RBFOX1: variants seen among roughly 807,000 people sequenced by gnomAD.
RBFOX1 encodes the protein RNA binding protein fox-1 homolog 1.
In RBFOX1, 8 loss-of-function variants were observed where a neutral mutation model predicts 57.7. The ratio of observed to expected loss-of-function variants is 0.14; its 90% CI spans 0.08 to 0.25. The LOEUF (loss-of-function observed/expected upper bound fraction) is 0.25, where lower values mean the gene tolerates loss of function less well. Among genes scored for constraint, RBFOX1 ranks in the 10% least tolerant of loss-of-function variants. RBFOX1 has a pLI of 1.00. For synonymous variants in RBFOX1, 326 were observed against 222.4 expected (o/e 1.47, Z -4.15); for missense variants, 611 against 548.5 (o/e 1.11, Z -1.14).
At chr16:6,946,930 T>C (rs1419186311) in intron 3 of RBFOX1, among the ~76,000 whole-genome samples, 12 of 152,260 alleles carry the variant, frequency 7.9e-5, no homozygotes, top group Admixed American at 3.9e-4. Flanking sequence ...CAAACGTTGT[T>C]ATTTGGCTTT....
At chr16:6,474,997 C>G (rs1025940686) in intron 2 of RBFOX1, among the ~76,000 whole-genome samples, 1 of 152,148 alleles carries the variant, frequency 6.6e-6, no homozygotes, top group Non-Finnish European at 1.5e-5. Flanking sequence ...ACAAAGTGTT[C>G]ATGATACATT....
chr16:5,633,710 C>A (rs947672874), intron 3 of RBFOX1, among the ~76,000 whole-genome samples: 2 of 152,016 alleles, frequency 1.3e-5, no homozygotes, highest in African/African-American at 4.8e-5. Flanking sequence ...TCCGTCTCTT[C>A]TAAAAATACA....
chr16:5,395,117 T>G (rs1336513998), intron 1 of RBFOX1, among the ~76,000 whole-genome samples: 2 of 152,192 alleles, frequency 1.3e-5, no homozygotes, highest in Admixed American at 6.5e-5. Flanking sequence ...TTCTTTAGGT[T>G]TCAGCCACAG....
intron 13 of RBFOX1, among the ~76,000 whole-genome samples, chr16:7,669,170 C>G (rs2070509573): frequency 6.6e-6 from 1 of 152,184 alleles, no homozygotes; most frequent in African/African-American, 2.4e-5. Flanking sequence ...TCCCAAAGTG[C>G]TGGGATTACA....
intron 2 of RBFOX1, among the ~76,000 whole-genome samples, chr16:6,557,336 A>C (rs1029081040): frequency 1.3e-4 from 20 of 152,016 alleles, no homozygotes; most frequent in Admixed American, 1.0e-3. Flanking sequence ...AGAAGAACTT[A>C]TGAATGCTTT....
At chr16:7,470,513 A>G (rs913208710) in intron 4 of RBFOX1, among the ~76,000 whole-genome samples, 1 of 151,684 alleles carries the variant, frequency 6.6e-6, no homozygotes, top group South Asian at 2.1e-4. Flanking sequence ...GGTTGGATGG[A>G]TGGAGGGATG....
At chr16:7,539,985 T>A (rs961724752) in intron 5 of RBFOX1, among the ~76,000 whole-genome samples, 11 of 152,224 alleles carry the variant, frequency 7.2e-5, no homozygotes, top group Admixed American at 5.2e-4. Flanking sequence ...TTGGGAAAGC[T>A]ATTGAACCTC....
Position 6,175,971 on chromosome 16 carries a change from A to G in RBFOX1, c.-126-141024A>G, listed in dbSNP as rs560447189. 3.3e-5 allele frequency among the ~76,000 whole-genome samples: 5 copies of G among 152,226 alleles called. No individual in the cohort carries two copies. In the East Asian group the frequency reaches 7.7e-4, roughly 24 times the overall value. On this transcript the variant is annotated intron_variant, in intron 1 of 15. Transcript: ENST00000550418. ...TCCACCCCCAGATATGTTAACTTCA[A>G]AGGTTTGGAGATGAGTCCTAGGTAT...
rs150872939 is a variant in RBFOX1, at chr16:5,762,753, A to G, written c.319-104550A>G. Among the ~76,000 whole-genome samples the G allele has an allele frequency of 1.4e-4, 22 of 152,366 alleles. No homozygotes were observed. The East Asian group carries it at 3.9e-3, about 27-fold the overall frequency. On this transcript the variant is annotated intron_variant, in intron 3 of 19. Coordinates refer to the RBFOX1 transcript ENST00000641259. ...ATGGAATCCTTTGCAGCCATTAAAT[A>G]TGATTTGGTAAACACGTTTGGATAA... is the stretch of plus-strand genomic sequence containing the variant.
intron 15 of RBFOX1, chr16:7,710,010 T>C: frequency 9.9e-7 from 1 of 1,009,572 alleles, no homozygotes; most frequent in Non-Finnish European, 1.2e-6. Context: ...AAGTGCCACC[T>C]TGTAGCCATT....
chr16:7,522,318 G>A (rs1271172150), intron 5 of RBFOX1, among the ~76,000 whole-genome samples: 1 of 152,150 alleles, frequency 6.6e-6, no homozygotes, highest in African/African-American at 2.4e-5. Flanking sequence ...TCACGGGGTG[G>A]GGTTTGAAGG....
At chr16:6,682,272 C>G (rs146433254) in intron 3 of RBFOX1, among the ~76,000 whole-genome samples, 82 of 152,278 alleles carry the variant, frequency 5.4e-4, no homozygotes, top group African/African-American at 1.7e-3. Context: ...AGCACACAGC[C>G]CTGCCTCCTC....
At chr16:5,452,955 A>G (rs2068472843) in intron 1 of RBFOX1, among the ~76,000 whole-genome samples, 2 of 152,108 alleles carry the variant, frequency 1.3e-5, no homozygotes, top group East Asian at 1.9e-4. Context: ...TTTACTTGAA[A>G]TGTTTCAGCA....
chr16:7,512,500 CG>C (rs2075355969), intron 4 of RBFOX1, among the ~76,000 whole-genome samples: 1 of 152,152 alleles, frequency 6.6e-6, no homozygotes, highest in Non-Finnish European at 1.5e-5. Flanking sequence ...CTCTCTGGAA[CG>C]GCTGTCAGTG....
intron 3 of RBFOX1, among the ~76,000 whole-genome samples, chr16:6,828,558 C>T (rs78778940): frequency 2.6e-5 from 4 of 151,608 alleles, no homozygotes; most frequent in African/African-American, 9.7e-5. Flanking sequence ...TTTCATATGA[C>T]TAGAGGCTGT....
chr16:6,447,890 G>T (rs1567296301), intron 2 of RBFOX1, among the ~76,000 whole-genome samples: 3 of 152,108 alleles, frequency 2.0e-5, no homozygotes, highest in Admixed American at 6.6e-5. Context: ...GTTAGGACTT[G>T]TTCAAGGGAG....
intron 2 of RBFOX1, among the ~76,000 whole-genome samples, chr16:5,476,496 G>T (rs140371630): frequency 1.2e-4 from 19 of 152,292 alleles, no homozygotes; most frequent in African/African-American, 4.3e-4. Flanking sequence ...CATTCATGTA[G>T]TGGTCAAGTA....
chr16:7,391,685 A>C (rs748872566), intron 4 of RBFOX1, among the ~76,000 whole-genome samples: 1 of 152,198 alleles, frequency 6.6e-6, no homozygotes, highest in African/African-American at 2.4e-5. Flanking sequence ...CCCCCAAAAG[A>C]CTGTAAAGGC....
intron 4 of RBFOX1, among the ~76,000 whole-genome samples, chr16:7,391,992 C>A (rs992048886): frequency 6.6e-6 from 1 of 152,210 alleles, no homozygotes; most frequent in East Asian, 1.9e-4. Context: ...TACAAGCTCT[C>A]TCTGTCTTCC....
Sources: allele counts gnomAD v4.1 joint callset (sites outside exome capture counted in the v4.1 genomes callset), GRCh38; gene constraint gnomAD v4.1.1; transcripts MANE v1.5; gene names NCBI Gene and HGNC (gene_info 2026-07-23, HGNC 2026-07-21).